The following LIMS1 variants were observed in gnomAD, a reference collection of about 807,000 sequenced individuals.
LIMS1 encodes LIM zinc finger domain containing 1.
LIMS1 carries 18 observed loss-of-function variants against 44.1 expected under a neutral mutation model. That is an observed-to-expected ratio of 0.41 (90% CI 0.28 to 0.61). LIMS1 has a LOEUF of 0.61. Ranked by LOEUF, LIMS1 falls within the 20% of genes least tolerant of loss-of-function variation. LIMS1 has a pLI of 0.32. For synonymous variants in LIMS1, 93 were observed against 149.1 expected (o/e 0.62, Z 2.74); for missense variants, 201 against 422.0 (o/e 0.48, Z 4.59).
At chr2:108,642,422 C>T (rs1263384027) in intron 1 of LIMS1, among the ~76,000 whole-genome samples, 1 of 143,040 alleles carries the variant, frequency 7.0e-6, no homozygotes, top group Non-Finnish European at 1.5e-5. Context: ...TGCAGTGGCG[C>T]GATCTCGGCT....
chr2:108,679,922 G>A (rs1692840139), intron 8 of LIMS1, among the ~76,000 whole-genome samples: 1 of 151,664 alleles, frequency 6.6e-6, no homozygotes, highest in Non-Finnish European at 1.5e-5. Context: ...AAGAAAAGAA[G>A]CTCTCAGGAA....
chr2:108,642,488 T>A (rs1380293035), intron 1 of LIMS1, among the ~76,000 whole-genome samples: 1 of 150,918 alleles, frequency 6.6e-6, no homozygotes, highest in Non-Finnish European at 1.5e-5. Context: ...GCCTCCCGAG[T>A]AGCTGGGACT....
exon 1 of LIMS1, chr2:108,534,500 A>G (rs1220927134): frequency 1.7e-6 from 2 of 1,156,340 alleles, no homozygotes; most frequent in Non-Finnish European, 2.2e-6. Context: ...AGGGACTAGG[A>G]CGCGGCTGGA....
chr2:108,630,588 G>A (rs1403534939), intron 1 of LIMS1, among the ~76,000 whole-genome samples: 5 of 152,158 alleles, frequency 3.3e-5, no homozygotes, highest in Admixed American at 6.5e-5. Context: ...CAGTTTTAAC[G>A]TTTCCCTTAT....
intron 1 of LIMS1, among the ~76,000 whole-genome samples, chr2:108,637,455 G>A (rs1689356751): frequency 6.6e-6 from 1 of 152,122 alleles, no homozygotes; most frequent in African/African-American, 2.4e-5. Flanking sequence ...TAATGTCCAG[G>A]GAGATAGCCT....
chr2:108,591,646 A>T (rs546182438), intron 1 of LIMS1, among the ~76,000 whole-genome samples: 2 of 150,138 alleles, frequency 1.3e-5, no homozygotes, highest in Admixed American at 6.6e-5. Context: ...TTTTTATAAA[A>T]ACAGAGTCTC....
chr2:108,571,858 G>A (rs1006019046), intron 1 of LIMS1, among the ~76,000 whole-genome samples: 1 of 152,194 alleles, frequency 6.6e-6, no homozygotes, highest in Non-Finnish European at 1.5e-5. Flanking sequence ...AGGCACCTGA[G>A]AAACTGTCTT....
intron 1 of LIMS1, among the ~76,000 whole-genome samples, chr2:108,652,286 A>C (rs1286285534): frequency 6.6e-6 from 1 of 152,298 alleles, no homozygotes; most frequent in Non-Finnish European, 1.5e-5. Flanking sequence ...ATTGGAAGGA[A>C]AGTACTTAAA....
At chr2:108,631,532 G>A (rs1207970285) in intron 1 of LIMS1, among the ~76,000 whole-genome samples, 1 of 146,768 alleles carries the variant, frequency 6.8e-6, no homozygotes, top group African/African-American at 2.5e-5. Context: ...TGTCTTGGAT[G>A]CTAATCTACC....
At chr2:108,661,534 G>A (rs1175992679) in intron 2 of LIMS1, among the ~76,000 whole-genome samples, 2 of 152,062 alleles carry the variant, frequency 1.3e-5, no homozygotes, top group Non-Finnish European at 2.9e-5. Context: ...AGCAGAAGAG[G>A]GCAGGAGAGG....
chr2:108,570,874 C>T (rs773849780), intron 1 of LIMS1, among the ~76,000 whole-genome samples: 4 of 152,170 alleles, frequency 2.6e-5, no homozygotes, highest in African/African-American at 7.2e-5. Flanking sequence ...AAGTGTTAGC[C>T]GTCAGCTAGC....
At chr2:108,573,997 C>G (rs928743087) in intron 1 of LIMS1, among the ~76,000 whole-genome samples, 1 of 152,086 alleles carries the variant, frequency 6.6e-6, no homozygotes, top group African/African-American at 2.4e-5. Context: ...AGTCTTTACT[C>G]ACTCTCCATG....
chr2:108,617,217 T>C (rs536616472), intron 1 of LIMS1, among the ~76,000 whole-genome samples: 5 of 152,344 alleles, frequency 3.3e-5, no homozygotes, highest in Non-Finnish European at 2.9e-5. Context: ...TATTTACAGC[T>C]TGATGTTTAA....
chr2:108,599,492 T>C (rs564771467), intron 1 of LIMS1, among the ~76,000 whole-genome samples: 85 of 152,366 alleles, frequency 5.6e-4, no homozygotes, highest in African/African-American at 2.0e-3. Flanking sequence ...TGATCAGTGC[T>C]GCAGATATCT....
intron 1 of LIMS1, among the ~76,000 whole-genome samples, chr2:108,609,825 G>C (rs183207478): frequency 6.6e-6 from 1 of 151,960 alleles, no homozygotes; most frequent in African/African-American, 2.4e-5. Context: ...TCATCCCCAC[G>C]GTTGAAGTTT....
At chr2:108,604,184 A>AT (rs375867282) in intron 1 of LIMS1, among the ~76,000 whole-genome samples, 4 of 151,562 alleles carry the variant, frequency 2.6e-5, no homozygotes, top group Non-Finnish European at 4.4e-5. Context: ...CTGGCCTCCT[A>AT]TTTTTTTTAC....
intron 1 of LIMS1, among the ~76,000 whole-genome samples, chr2:108,637,099 A>ATATGTGTGTGTGTG (rs372431532): frequency 1.0e-5 from 1 of 98,528 alleles, no homozygotes; most frequent in African/African-American, 3.2e-5. Context: ...ATATACATAT[A>ATATGTGTGTGTGTG]TGTGTGTGTG....
chr2:108,593,355 G>A (rs544731175), intron 1 of LIMS1, among the ~76,000 whole-genome samples: 4 of 151,754 alleles, frequency 2.6e-5, no homozygotes, highest in African/African-American at 4.8e-5. Context: ...TCTCCCCTTC[G>A]ATTGCCTTTT....
chr2:108,647,160 A>G (rs895564477), intron 1 of LIMS1, among the ~76,000 whole-genome samples: 1 of 152,248 alleles, frequency 6.6e-6, no homozygotes, highest in African/African-American at 2.4e-5. Flanking sequence ...AAAAATACAA[A>G]CTACCATCAG....
Sources: gnomAD v4.1 joint callset for allele counts (sites outside exome capture counted in the v4.1 genomes callset) on GRCh38, gnomAD v4.1.1 for gene constraint, MANE v1.5 for transcripts, NCBI Gene and HGNC (gene_info 2026-07-23, HGNC 2026-07-21) for gene names.